ASIC2: variants seen among roughly 807,000 people sequenced by gnomAD.
ASIC2 encodes the protein acid-sensing ion channel 2.
Under a neutral mutation model 57.3 loss-of-function variants are expected in ASIC2, and 25 were observed. The observed-to-expected ratio is 0.44, with a 90% CI of 0.32 to 0.61. ASIC2 has a LOEUF of 0.61. Among genes scored for constraint, ASIC2 ranks in the 20% least tolerant of loss-of-function variants. ASIC2 has a pLI of 0.06. For synonymous variants in ASIC2, 319 were observed against 307.5 expected, an observed-to-expected ratio of 1.04 and a Z score of -0.39; for missense variants, 641 against 738.1, an observed-to-expected ratio of 0.87 and a Z score of 1.52.
chr17:34,023,144 G>A (rs1232498996), intron 1 of ASIC2, among the ~76,000 whole-genome samples: 3 of 151,986 alleles, frequency 2.0e-5, no homozygotes, highest in Non-Finnish European at 2.9e-5. Context: ...GTCTCATGTA[G>A]TTCTTTACAC....
chr17:33,981,775 T>C (rs1905634384), intron 1 of ASIC2, among the ~76,000 whole-genome samples: 1 of 152,226 alleles, frequency 6.6e-6, no homozygotes, highest in South Asian at 2.1e-4. Context: ...CATTATCTTA[T>C]TTAATCCTCA....
At chr17:34,115,294 A>G (rs536441426) in intron 1 of ASIC2, among the ~76,000 whole-genome samples, 1 of 152,316 alleles carries the variant, frequency 6.6e-6, no homozygotes, top group South Asian at 2.1e-4. Flanking sequence ...ATCTGTACCT[A>G]TGTTTAAGGA....
intron 1 of ASIC2, among the ~76,000 whole-genome samples, chr17:33,314,875 CT>C (rs1211771166): frequency 1.3e-5 from 2 of 152,222 alleles, no homozygotes; most frequent in East Asian, 3.9e-4. Flanking sequence ...TTTTCTTCTT[CT>C]TCTTTTAATT....
At chr17:33,553,173 C>A in intron 1 of ASIC2, among the ~76,000 whole-genome samples, 1 of 152,078 alleles carries the variant, frequency 6.6e-6, no homozygotes, top group East Asian at 1.9e-4. Context: ...GGAGGCACTG[C>A]ATATAATCTG....
At chr17:33,570,081 T>C (rs2141990793) in intron 1 of ASIC2, among the ~76,000 whole-genome samples, 1 of 152,342 alleles carries the variant, frequency 6.6e-6, no homozygotes, top group South Asian at 2.1e-4. Context: ...CTTCCTCGTG[T>C]GACTGTCCCC....
intron 1 of ASIC2, among the ~76,000 whole-genome samples, chr17:33,417,461 A>T (rs1043918880): frequency 6.6e-6 from 1 of 152,186 alleles, no homozygotes; most frequent in Non-Finnish European, 1.5e-5. Flanking sequence ...CCCGGGAAAC[A>T]CACAGAATAC....
At chr17:33,301,611 G>A (rs1905961763) in intron 1 of ASIC2, among the ~76,000 whole-genome samples, 1 of 152,208 alleles carries the variant, frequency 6.6e-6, no homozygotes. Flanking sequence ...CCACTTAGAT[G>A]TGGTCCTTGC....
chr17:33,267,948 A>G (rs1909532442), intron 1 of ASIC2, among the ~76,000 whole-genome samples: 1 of 152,208 alleles, frequency 6.6e-6, no homozygotes, highest in African/African-American at 2.4e-5. Context: ...TTTGGTCACA[A>G]GATCTTAATT....
At chr17:33,311,101 A>C (rs1201787476) in intron 1 of ASIC2, among the ~76,000 whole-genome samples, 3 of 152,162 alleles carry the variant, frequency 2.0e-5, no homozygotes, top group African/African-American at 7.2e-5. Context: ...CTAGGCTGGA[A>C]AGAGAAAGAG....
intron 1 of ASIC2, among the ~76,000 whole-genome samples, chr17:33,505,080 A>G (rs1404645519): frequency 6.6e-6 from 1 of 152,184 alleles, no homozygotes; most frequent in African/African-American, 2.4e-5. Context: ...CAAATAGCAC[A>G]ATAGATAACA....
At chr17:33,178,973 C>T (rs959902900) in intron 1 of ASIC2, among the ~76,000 whole-genome samples, 19 of 152,214 alleles carry the variant, frequency 1.2e-4, no homozygotes, top group Admixed American at 6.5e-5. Context: ...TGTCTTTCCT[C>T]ACACTGGCCA....
chr17:33,389,925 A>T (rs60562210), intron 1 of ASIC2, among the ~76,000 whole-genome samples: 30,355 of 152,102 alleles, frequency 0.2, 3,797 homozygotes, highest in East Asian at 0.67. Context: ...AGTACGAATG[A>T]CCAACTCTGT....
At chr17:33,592,979 G>T (rs903413586) in intron 1 of ASIC2, among the ~76,000 whole-genome samples, 47 of 152,260 alleles carry the variant, frequency 3.1e-4, no homozygotes, top group African/African-American at 1.1e-3. Context: ...AGAGATTCAC[G>T]GGAGAGTTTC....
intron 1 of ASIC2, among the ~76,000 whole-genome samples, chr17:33,647,011 A>G (rs1906761807): frequency 6.6e-6 from 1 of 152,082 alleles, no homozygotes; most frequent in African/African-American, 2.4e-5. Context: ...CACAGGAAGG[A>G]GAGGGACAGC....
chr17:33,853,643 A>G (rs1445910834), intron 1 of ASIC2, among the ~76,000 whole-genome samples: 1 of 152,124 alleles, frequency 6.6e-6, no homozygotes, highest in Non-Finnish European at 1.5e-5. Context: ...TGAAGGTTCA[A>G]ATGGATTTAA....
chr17:34,118,399 T>C (rs917460293), intron 1 of ASIC2: 1 of 152,158 alleles, frequency 6.6e-6, no homozygotes, highest in Non-Finnish European at 1.5e-5. Context: ...GGAGTGGGGT[T>C]GGAGGAGACT....
intron 7 of ASIC2, 62 bp downstream of exon 7, chr17:33,021,157 C>T: frequency 1.0e-6 from 1 of 980,854 alleles, no homozygotes. Context: ...TCCACCTGTG[C>T]ATCCTCCCTC....
chr17:33,945,714 A>G (rs894440474), intron 1 of ASIC2, among the ~76,000 whole-genome samples: 3 of 152,164 alleles, frequency 2.0e-5, no homozygotes, highest in African/African-American at 7.2e-5. Flanking sequence ...GTCTCCCTGA[A>G]AGTTTGGCAA....
rs531127685 is a variant in ASIC2, at chr17:33,442,772, T to C, written c.556-330705A>G. ...TTCCTATCTGTGCACTGCTAATTTC[T>C]TTTTCTTGCCTTATTGCACTGGTTA... is the stretch of plus-strand genomic sequence containing the variant. On this transcript the variant is annotated intron_variant, in intron 1 of 9. Transcript: ENST00000359872. 2.6e-5 allele frequency among the ~76,000 whole-genome samples: 4 copies of C among 152,330 alleles called. No homozygotes were observed. In the East Asian group the frequency reaches 5.8e-4, roughly 22 times the overall value.
Sources: allele counts gnomAD v4.1 joint callset (sites outside exome capture counted in the v4.1 genomes callset), GRCh38; gene constraint gnomAD v4.1.1; transcripts MANE v1.5; gene names NCBI Gene and HGNC (gene_info 2026-07-23, HGNC 2026-07-21).